Variants in SHISA9 observed in about 807,000 individuals in gnomAD.
SHISA9 encodes shisa family member 9, also known as protein shisa-9.
SHISA9 carries 13 observed loss-of-function variants against 38.0 expected under a neutral mutation model. The observed-to-expected ratio is 0.34, with a 90% confidence interval of 0.22 to 0.54. The LOEUF is 0.54. Ranked by LOEUF, SHISA9 falls within the 20% of genes least tolerant of loss-of-function variation. The pLI is 0.91. For synonymous variants in SHISA9, 275 were observed against 242.0 expected (o/e 1.14, Z -1.27); for missense variants, 538 against 575.8 (o/e 0.93, Z 0.67).
the SHISA9 span, among the ~76,000 whole-genome samples, chr16:13,388,118 G>T: frequency 1.3e-5 from 2 of 152,190 alleles, no homozygotes; most frequent in East Asian, 3.9e-4. Flanking sequence ...ATTCCTGCAG[G>T]TTGAAATCCA....
the SHISA9 span, among the ~76,000 whole-genome samples, chr16:13,293,969 A>T: frequency 5.9e-4 from 90 of 152,284 alleles, no homozygotes; most frequent in African/African-American, 2.0e-3. Flanking sequence ...GGGTTGGGGT[A>T]CCCAGCTGAC....
the SHISA9 span, among the ~76,000 whole-genome samples, chr16:13,415,588 G>A: frequency 6.6e-6 from 1 of 152,106 alleles, no homozygotes; most frequent in South Asian, 2.1e-4. Flanking sequence ...TGAACTTAAA[G>A]GTTAAATACG....
At chr16:13,279,146 A>T in the SHISA9 span, among the ~76,000 whole-genome samples, 1 of 151,778 alleles carries the variant, frequency 6.6e-6, no homozygotes. Context: ...TTCGTTTTTG[A>T]CCCATTGCTC....
chr16:13,248,983 A>G, the SHISA9 span, among the ~76,000 whole-genome samples: 27 of 152,324 alleles, frequency 1.8e-4, no homozygotes, highest in South Asian at 1.9e-3. Context: ...GAGTCGAGTC[A>G]TTCACCAAAG....
chr16:13,004,319 C>T (rs2072567612), intron 2 of SHISA9, among the ~76,000 whole-genome samples: 1 of 152,198 alleles, frequency 6.6e-6, no homozygotes, highest in Non-Finnish European at 1.5e-5. Context: ...AAATAGAATT[C>T]AGGTTGCCTG....
At chr16:13,002,372 C>G (rs1377086677) in intron 2 of SHISA9, among the ~76,000 whole-genome samples, 1 of 152,128 alleles carries the variant, frequency 6.6e-6, no homozygotes, top group Non-Finnish European at 1.5e-5. Flanking sequence ...GTCCCTGCAA[C>G]CATCCTAGGA....
chr16:13,235,441 C>T lies in SHISA9; in HGVS notation c.*32C>T. On this transcript the variant is annotated 3_prime_UTR_variant, in exon 5 of 5. Transcript: ENST00000558583. ...ACCACAGGGAGCACCCTGGAGACCA[C>T]ACTCAACTGAGAGAGGCAAAAAACA... The T allele has an allele frequency of 6.6e-7, 1 of 1,510,952 alleles. No homozygotes were observed. The highest frequency in any genetic ancestry group is 2.1e-5 in the Admixed American group (1 of 48,158). The allele number at this position is 1,510,952 out of a possible 1,614,324, so 93.6% of individuals were successfully genotyped here.
At chr16:13,074,301 G>C (rs1165527645) in intron 2 of SHISA9, among the ~76,000 whole-genome samples, 1 of 151,980 alleles carries the variant, frequency 6.6e-6, no homozygotes, top group Admixed American at 6.6e-5. Context: ...ACAGTTTGTA[G>C]AAATTTGTTA....
intron 2 of SHISA9, among the ~76,000 whole-genome samples, chr16:13,148,446 A>T (rs931727819): frequency 6.6e-6 from 1 of 152,010 alleles, no homozygotes; most frequent in African/African-American, 2.4e-5. Flanking sequence ...AACTGCATCA[A>T]AACCTTTTCA....
the SHISA9 span, among the ~76,000 whole-genome samples, chr16:13,419,449 A>G: frequency 6.6e-6 from 1 of 152,244 alleles, no homozygotes; most frequent in African/African-American, 2.4e-5. Context: ...TTTAATATCT[A>G]AATAAAACAA....
At chr16:13,301,571 G>C in the SHISA9 span, among the ~76,000 whole-genome samples, 1 of 152,208 alleles carries the variant, frequency 6.6e-6, no homozygotes, top group East Asian at 1.9e-4. Flanking sequence ...ATTTTTATTA[G>C]TAGCAGAAAA....
chr16:13,078,546 C>T (rs911654400), intron 2 of SHISA9, among the ~76,000 whole-genome samples: 32 of 152,026 alleles, frequency 2.1e-4, no homozygotes, highest in African/African-American at 7.7e-4. Context: ...GCTGGGATTA[C>T]AGGCATGCAC....
the SHISA9 span, among the ~76,000 whole-genome samples, chr16:13,555,028 A>C: frequency 6.6e-6 from 1 of 152,190 alleles, no homozygotes; most frequent in Non-Finnish European, 1.5e-5. Flanking sequence ...AGGCAACTTG[A>C]ACTGGACTTT....
intron 4 of SHISA9, among the ~76,000 whole-genome samples, chr16:13,222,044 A>T (rs537569905): frequency 9.2e-5 from 14 of 152,250 alleles, no homozygotes; most frequent in Non-Finnish European, 1.6e-4. Flanking sequence ...GGGAAGCAAA[A>T]CACGTCTTAC....
the SHISA9 span, among the ~76,000 whole-genome samples, chr16:13,532,679 G>A: frequency 6.6e-6 from 1 of 151,786 alleles, no homozygotes; most frequent in Non-Finnish European, 1.5e-5. Context: ...GCTTCACATG[G>A]CTGCCTTCTG....
Position 13,116,055 on chromosome 16 carries a change from G to A in SHISA9, c.692-87339G>A, listed in dbSNP as rs1392533410. 2.0e-5 allele frequency among the ~76,000 whole-genome samples: 3 copies of A among 152,154 alleles called. No individual in the cohort carries two copies. The East Asian group carries it at 5.8e-4, about 29-fold the overall frequency. On this transcript the variant is annotated intron_variant, in intron 2 of 4. Transcript: ENST00000558583. ...CTGCCTTATGATTGCGATTATATCT[G>A]TAGTGTTATCCATGGATTGAATCCT...
At chr16:13,075,028 C>T (rs1191653484) in intron 2 of SHISA9, among the ~76,000 whole-genome samples, 1 of 152,128 alleles carries the variant, frequency 6.6e-6, no homozygotes, top group African/African-American at 2.4e-5. Flanking sequence ...ACAAAGTGAA[C>T]CAGTTTATGG....
intron 2 of SHISA9, among the ~76,000 whole-genome samples, chr16:13,190,003 A>G (rs895225889): frequency 1.3e-5 from 2 of 152,098 alleles, no homozygotes; most frequent in African/African-American, 2.4e-5. Context: ...TATTGAGTGA[A>G]GGGGCAAACA....
the SHISA9 span, among the ~76,000 whole-genome samples, chr16:13,428,821 T>C: frequency 6.7e-6 from 1 of 149,140 alleles, no homozygotes; most frequent in Non-Finnish European, 1.5e-5. Context: ...CAGGTTGGAG[T>C]GCAGTGGTGT....
Sources: gnomAD v4.1 joint callset for allele counts (sites outside exome capture counted in the v4.1 genomes callset) on GRCh38, gnomAD v4.1.1 for gene constraint, MANE v1.5 for transcripts, NCBI Gene and HGNC (gene_info 2026-07-23, HGNC 2026-07-21) for gene names.